Variants in HFM1 observed in about 807,000 individuals in gnomAD.
The protein encoded by HFM1 is probable ATP-dependent DNA helicase HFM1.
A neutral mutation model predicts 192.1 loss-of-function variants in HFM1; 169 were observed. The ratio of observed to expected loss-of-function variants is 0.88; its 90% CI spans 0.78 to 1.00. HFM1 has a LOEUF of 1.00. Ranked by LOEUF, HFM1 falls within the 50% of genes least tolerant of loss-of-function variation. The probability of loss-of-function intolerance (pLI) is 0.00; values close to 1 mark genes in which losing one functional copy is unlikely to be tolerated. For synonymous variants in HFM1, 525 were observed against 537.8 expected (o/e 0.98, Z 0.33); for missense variants, 1,661 against 1,668.0 (o/e 1.00, Z 0.07).
chr1:91,289,446 T>C (rs558341017), intron 30 of HFM1, among the ~76,000 whole-genome samples: 2 of 152,186 alleles, frequency 1.3e-5, no homozygotes, highest in East Asian at 3.9e-4. Context: ...TGCTCCTCAC[T>C]TCCTAGACAG....
chr1:91,310,585 C>A (rs1650297910), intron 30 of HFM1, among the ~76,000 whole-genome samples: 1 of 152,200 alleles, frequency 6.6e-6, no homozygotes, highest in Non-Finnish European at 1.5e-5. Flanking sequence ...AAAATCTCAA[C>A]TTGAATTGTA....
In HFM1 at chr1:91,380,251, G is replaced by C. The variant is rs367582479; in HGVS notation, c.874-15C>G. On this transcript the variant is annotated splice_polypyrimidine_tract_variant and intron_variant, in intron 7 of 38. Transcript: ENST00000370425. ...GTGTAAAGAAGCTAAAAAATAAAAA[G>C]TAATCAATCATGTAACATATAGACT... 2 of 1,474,578 alleles carry C rather than the reference G, an allele frequency of 1.4e-6. No individual in the cohort carries two copies. Among genetic ancestry groups the C allele is most frequent in the African/African-American group, 2.9e-5 (2 of 68,840 alleles). The allele number at this position is 1,474,578 out of a possible 1,614,324, so 91.3% of individuals were successfully genotyped here.
At chr1:91,297,153 C>A (rs546487491) in intron 30 of HFM1, among the ~76,000 whole-genome samples, 8 of 152,334 alleles carry the variant, frequency 5.3e-5, no homozygotes, top group African/African-American at 1.7e-4. Flanking sequence ...TATCACGCGC[C>A]TGGCTCGGAG....
chr1:91,358,585 T>C (rs959153561), intron 13 of HFM1, among the ~76,000 whole-genome samples: 4 of 152,004 alleles, frequency 2.6e-5, no homozygotes, highest in African/African-American at 7.3e-5. Flanking sequence ...GAAAAACAAT[T>C]TCCATATCCA....
rs1571166569 is a variant in HFM1 at position 91,375,643 on chromosome 1, C to T, written c.1480G>A (p.Val494Met). 6.2e-7 allele frequency: 1 copy of T among 1,613,286 alleles called. No individual in the cohort carries two copies. Among genetic ancestry groups the T allele is most frequent in the African/African-American group, 1.3e-5 (1 of 74,886 alleles). The change falls in exon 12 of 39, where the codon GTG becomes ATG. Residue 494 changes from valine (V) to methionine (M), a missense_variant. Transcript: ENST00000370425. ...CTACTGCAGGGAAATCCAAGGACCA[C>T]TTTCTGAAGTTTCACTGGTCTATGG... ...ESHRPVKLQKVVLGFPCSSNQ... is the reference protein window; with the variant it reads ...ESHRPVKLQKMVLGFPCSSNQ...
At chr1:91,304,761 T>C (rs1649366840) in intron 30 of HFM1, among the ~76,000 whole-genome samples, 1 of 151,954 alleles carries the variant, frequency 6.6e-6, no homozygotes, top group Non-Finnish European at 1.5e-5. Context: ...TTACTGGTGT[T>C]AGCCACTGCA....
At chr1:91,347,282 TGAAAAA>T (rs1454345849) in intron 19 of HFM1, 141 bp downstream of exon 19, 1 of 455,500 alleles carries the variant, frequency 2.2e-6, no homozygotes, top group Non-Finnish European at 4.0e-6. Context: ...GCTTTTTGTG[TGAAAAA>T]GAAATAGTTC....
rs1034912122 is a variant in HFM1 at position 91,284,288 on chromosome 1, G to T, written c.3392-7226C>A. Among the ~76,000 whole-genome samples, 4 of 151,244 alleles carry T rather than the reference G, an allele frequency of 2.6e-5. No individual in the cohort carries two copies. In the East Asian group the frequency reaches 7.8e-4, roughly 29 times the overall value. The stretch of plus-strand genomic sequence containing the variant: ...GATAGAGTTTTGCCTTTGTTGCCCA[G>T]GCTGGAGTGCAGTGGTGCAATCTCA... On this transcript the variant is annotated intron_variant, in intron 30 of 38. Coordinates refer to ENST00000370425, the MANE Select transcript of HFM1 (RefSeq NM_001017975.6).
rs1334800245 is a variant in HFM1, at chr1:91,364,634, T to TA, written c.1685+10723_1685+10724insT. ...TATATATATATATATATATATATATTTTTTTTTTTTTTTTGAGACAGAGTC... is the reference window on the plus strand; with the variant it reads ...TATATATATATATATATATATATATTATTTTTTTTTTTTTTGAGACAGAGTC... On this transcript the variant is annotated intron_variant, in intron 13 of 38. Coordinates refer to ENST00000370425, the MANE Select transcript of HFM1 (RefSeq NM_001017975.6). Among the ~76,000 whole-genome samples the TA allele has an allele frequency of 4.4e-4, 41 of 92,990 alleles. No individual in the cohort carries two copies. In the East Asian group the frequency reaches 4.9e-3, roughly 11 times the overall value. 61.0% of individuals were successfully genotyped at this position (92,990 alleles called of 152,430 possible). A position where few individuals can be genotyped will look rare whatever the true frequency, so the allele number is the denominator to read the frequency against.
chr1:91,358,773 T>C (rs1412234400), intron 13 of HFM1, among the ~76,000 whole-genome samples: 1 of 152,122 alleles, frequency 6.6e-6, no homozygotes, highest in African/African-American at 2.4e-5. Flanking sequence ...TCAGACTGTT[T>C]CTTTGGGGGG....
chr1:91,265,628 C>G (rs1665692392), intron 36 of HFM1, among the ~76,000 whole-genome samples: 1 of 152,214 alleles, frequency 6.6e-6, no homozygotes, highest in East Asian at 1.9e-4. Context: ...GATCTTTGAG[C>G]ACGGGATACC....
In HFM1 at chr1:91,379,083, G is replaced by A; in HGVS notation, c.1138C>T (p.His380Tyr). 6.3e-7 allele frequency: 1 copy of A among 1,580,324 alleles called. No homozygotes were observed. The highest frequency in any genetic ancestry group is 8.6e-7 in the Non-Finnish European group (1 of 1,162,232). Residue 380 changes from histidine (H) to tyrosine (Y), a missense_variant, in exon 9 of 39, where the codon CAT (histidine) becomes TAT (tyrosine). Physicochemically the swap from His to Tyr is moderately conservative, Grantham distance 83. Transcript: ENST00000370425. ...CCTACTGGAGTTGTCATAATAATAT[G>A]GGCATGCTGAATCTCAAATAGATCA... ...MDDLFEIQHAHIIMTTPEKWD... is the reference protein window; with the variant it reads ...MDDLFEIQHAYIIMTTPEKWD...
chr1:91,297,090 C>T (rs1208554443), intron 30 of HFM1, among the ~76,000 whole-genome samples: 3 of 152,190 alleles, frequency 2.0e-5, no homozygotes, highest in African/African-American at 7.2e-5. Context: ...GTCACTCCCA[C>T]CCTAATACTG....
At chr1:91,389,455 G>C (rs2102090309) in intron 4 of HFM1, among the ~76,000 whole-genome samples, 1 of 152,202 alleles carries the variant, frequency 6.6e-6, no homozygotes, top group East Asian at 1.9e-4. Flanking sequence ...CCTTTGGCAG[G>C]TAATTGGGTT....
At chr1:91,304,412 G>A (rs1020377809) in intron 30 of HFM1, among the ~76,000 whole-genome samples, 9 of 151,916 alleles carry the variant, frequency 5.9e-5, no homozygotes, top group African/African-American at 9.7e-5. Flanking sequence ...CTTGTACAAG[G>A]TAATGAATGA....
Position 91,264,361 on chromosome 1 carries a change from A to ATTTTTTTTTTTTTTTTTTTTTTTTTTT in HFM1, c.3974+1629_3974+1655dup, listed in dbSNP as rs71087940. 8.8e-4 allele frequency among the ~76,000 whole-genome samples: 50 copies of ATTTTTTTTTTTTTTTTTTTTTTTTTTT among 57,090 alleles called. 11 individuals are homozygous for ATTTTTTTTTTTTTTTTTTTTTTTTTTT. Among genetic ancestry groups the ATTTTTTTTTTTTTTTTTTTTTTTTTTT allele is most frequent in the East Asian group, 1.1e-3 (2 of 1,872 alleles). 37.5% of individuals were successfully genotyped at this position (57,090 alleles called of 152,430 possible). On this transcript the variant is annotated intron_variant, in intron 36 of 38. Transcript: ENST00000370425. ...TTCCAAGGGATACCACAAATTTAGT[A>ATTTTTTTTTTTTTTTTTTTTTTTTTTT]TTTTTTTTTTTTTTTTTTTTTTTTT... is the stretch of plus-strand genomic sequence containing the variant.
At chr1:91,355,465 G>T (rs1161560220) in intron 13 of HFM1, among the ~76,000 whole-genome samples, 1 of 151,096 alleles carries the variant, frequency 6.6e-6, no homozygotes, top group Non-Finnish European at 1.5e-5. Flanking sequence ...ACTACATGCT[G>T]CCTACCAGAG....
At chr1:91,290,665 A>T (rs958363652) in intron 30 of HFM1, among the ~76,000 whole-genome samples, 1 of 152,152 alleles carries the variant, frequency 6.6e-6, no homozygotes, top group Non-Finnish European at 1.5e-5. Context: ...CAACAAGGAT[A>T]CCCAGGAATT....
intron 30 of HFM1, among the ~76,000 whole-genome samples, chr1:91,294,976 A>G (rs1329083855): frequency 6.6e-6 from 1 of 152,222 alleles, no homozygotes; most frequent in African/African-American, 2.4e-5. Flanking sequence ...GTATCAATCT[A>G]TAATCACATT....
Sources: allele counts gnomAD v4.1 joint callset (sites outside exome capture counted in the v4.1 genomes callset), GRCh38; gene constraint gnomAD v4.1.1; transcripts MANE v1.5; gene names NCBI Gene and HGNC (gene_info 2026-07-23, HGNC 2026-07-21).